Variants in MKLN1 observed in about 807,000 individuals in gnomAD.
MKLN1 encodes muskelin.
A neutral mutation model predicts 99.0 loss-of-function variants in MKLN1; 18 were observed. The ratio of observed to expected loss-of-function variants is 0.18; its 90% CI spans 0.13 to 0.27. MKLN1 has a LOEUF of 0.27. MKLN1 is among the 10% of genes least tolerant of loss of function. The probability of loss-of-function intolerance (pLI) is 1.00; values close to 1 mark genes in which losing one functional copy is unlikely to be tolerated. For missense variants in MKLN1, 621 were observed against 875.9 expected (o/e 0.71, Z 3.67); for synonymous variants, 288 against 293.2 (o/e 0.98, Z 0.18).
chr7:131,219,318 A>G (rs1169429980), intron 3 of MKLN1, among the ~76,000 whole-genome samples: 1 of 152,042 alleles, frequency 6.6e-6, no homozygotes, highest in African/African-American at 2.4e-5. Flanking sequence ...TAGGCACTTG[A>G]TAAATATTTT....
chr7:131,440,033 T>C (rs1187178739), intron 10 of MKLN1, among the ~76,000 whole-genome samples: 2 of 151,964 alleles, frequency 1.3e-5, no homozygotes, highest in Non-Finnish European at 2.9e-5. Context: ...CCCACAACAG[T>C]ATAATAGGGA....
intron 1 of MKLN1, among the ~76,000 whole-genome samples, chr7:131,364,809 G>A (rs1479329398): frequency 6.6e-6 from 1 of 152,104 alleles, no homozygotes; most frequent in Non-Finnish European, 1.5e-5. Context: ...TGGTTGCATA[G>A]TATTCCATGG....
intron 3 of MKLN1, among the ~76,000 whole-genome samples, chr7:131,290,464 G>T (rs2116598005): frequency 6.6e-6 from 1 of 152,290 alleles, no homozygotes; most frequent in South Asian, 2.1e-4. Flanking sequence ...CAGGGCTGTT[G>T]TTTCATTCTC....
intron 6 of MKLN1, among the ~76,000 whole-genome samples, chr7:131,400,518 A>AAAAAAT (rs527702723): frequency 2.2e-5 from 3 of 137,432 alleles, no homozygotes; most frequent in Middle Eastern, 3.9e-3. Context: ...ATAAAAAAAA[A>AAAAAAT]ATATATATAT....
At chr7:131,270,667 G>A (rs895075626) in intron 3 of MKLN1, among the ~76,000 whole-genome samples, 13 of 152,112 alleles carry the variant, frequency 8.5e-5, no homozygotes, top group African/African-American at 3.1e-4. Context: ...CAAAATAATT[G>A]TTGAGTACCT....
At chr7:131,458,059 G>A (rs1796403289) in intron 12 of MKLN1, among the ~76,000 whole-genome samples, 1 of 152,222 alleles carries the variant, frequency 6.6e-6, no homozygotes, top group Admixed American at 6.5e-5. Flanking sequence ...TACCTAAGCA[G>A]ATTAAAGTAG....
intron 3 of MKLN1, chr7:131,202,990 C>T (rs1283147101): frequency 6.6e-6 from 1 of 152,218 alleles, no homozygotes; most frequent in African/African-American, 2.4e-5. Flanking sequence ...TGGGGTAATT[C>T]ATCTAACAAA....
chr7:131,478,342 G>A (rs1467720042), intron 16 of MKLN1: 1 of 319,760 alleles, frequency 3.1e-6, no homozygotes, highest in Non-Finnish European at 5.6e-6. Flanking sequence ...TTGTGCTGTT[G>A]TTCCTTAATA....
At chr7:131,207,095 T>G (rs1262453785) in intron 3 of MKLN1, among the ~76,000 whole-genome samples, 1 of 152,216 alleles carries the variant, frequency 6.6e-6, no homozygotes, top group Non-Finnish European at 1.5e-5. Flanking sequence ...TTTACTCCCA[T>G]TTTTAATGTA....
rs573034915 is a variant in MKLN1 at position 131,402,549 on chromosome 7, T to C, written c.703+3116T>C. ...CTTTCCAGAAGGTTTTCAATTTACT[T>C]TGCCCAGATCCATCAGAGGAATCAC... On this transcript the variant is annotated intron_variant, in intron 6 of 17. Transcript: ENST00000352689. Among the ~76,000 whole-genome samples, 17 of 152,310 alleles carry C rather than the reference T, an allele frequency of 1.1e-4. No homozygotes were observed. The South Asian group carries it at 3.3e-3, about 30-fold the overall frequency.
intron 1 of MKLN1, among the ~76,000 whole-genome samples, chr7:131,114,896 A>G (rs1795251431): frequency 6.6e-6 from 1 of 151,820 alleles, no homozygotes; most frequent in Non-Finnish European, 1.5e-5. Flanking sequence ...AAATTGCACA[A>G]CTGCACTCCA....
chr7:131,156,576 A>C (rs1473041267), intron 2 of MKLN1, among the ~76,000 whole-genome samples: 1 of 152,112 alleles, frequency 6.6e-6, no homozygotes, highest in Non-Finnish European at 1.5e-5. Context: ...GCTGGGCCAA[A>C]TCACCTAACG....
intron 1 of MKLN1, 136 bp from the exon 2 acceptor site, chr7:131,375,287 CT>C (rs1357093312): frequency 5.1e-6 from 3 of 589,404 alleles, no homozygotes; most frequent in Non-Finnish European, 9.2e-6. Flanking sequence ...CTGTGCTTTT[CT>C]TACTCTGTTT....
chr7:131,130,366 G>A (rs1795530891), intron 1 of MKLN1, among the ~76,000 whole-genome samples: 1 of 152,186 alleles, frequency 6.6e-6, no homozygotes, highest in East Asian at 1.9e-4. Flanking sequence ...TGGTATCAAC[G>A]AGAGCCAACC....
At chr7:131,243,605 T>C (rs760031466) in intron 3 of MKLN1, among the ~76,000 whole-genome samples, 2 of 152,220 alleles carry the variant, frequency 1.3e-5, no homozygotes, top group Non-Finnish European at 2.9e-5. Flanking sequence ...GCAAATCTGC[T>C]GGTAATGGAA....
At chr7:131,268,465 C>T (rs779519990) in intron 3 of MKLN1, among the ~76,000 whole-genome samples, 39 of 152,108 alleles carry the variant, frequency 2.6e-4, no homozygotes, top group Admixed American at 4.6e-4. Context: ...AGGTCCAATA[C>T]GGATTGGTAG....
At chr7:131,204,531 T>C (rs1796776985) in intron 3 of MKLN1, among the ~76,000 whole-genome samples, 1 of 152,198 alleles carries the variant, frequency 6.6e-6, no homozygotes, top group African/African-American at 2.4e-5. Flanking sequence ...GTTTTGTGAA[T>C]TGAAAAAGCT....
At chr7:131,411,956 A>C (rs1448132101) in intron 7 of MKLN1, among the ~76,000 whole-genome samples, 1 of 145,282 alleles carries the variant, frequency 6.9e-6, no homozygotes, top group Non-Finnish European at 1.5e-5. Context: ...ACATGTTGGC[A>C]GGCATCTGTG....
intron 1 of MKLN1, among the ~76,000 whole-genome samples, chr7:131,129,764 C>T (rs770219044): frequency 2.6e-5 from 4 of 152,158 alleles, no homozygotes; most frequent in Admixed American, 6.6e-5. Flanking sequence ...TTTTTAGAGA[C>T]GAGGTCTTGC....
Sources: gnomAD v4.1 joint callset for allele counts (sites outside exome capture counted in the v4.1 genomes callset) on GRCh38, gnomAD v4.1.1 for gene constraint, MANE v1.5 for transcripts, NCBI Gene and HGNC (gene_info 2026-07-23, HGNC 2026-07-21) for gene names.